Variants in ARFGEF2 observed in about 807,000 individuals in gnomAD.
ARFGEF2 encodes the protein brefeldin A-inhibited guanine nucleotide-exchange protein 2.
A neutral mutation model predicts 219.9 loss-of-function variants in ARFGEF2; 74 were observed. The observed-to-expected ratio is 0.34, with a 90% CI of 0.28 to 0.41. The LOEUF is 0.41. Among genes scored for constraint, ARFGEF2 ranks in the 10% least tolerant of loss-of-function variants. The pLI, the probability that ARFGEF2 is intolerant of heterozygous loss-of-function variation, is 1.00. For synonymous variants in ARFGEF2, 733 were observed against 799.2 expected (o/e 0.92, Z 1.40); for missense variants, 1,743 against 2,218.3 (o/e 0.79, Z 4.30).
intron 1 of ARFGEF2, among the ~76,000 whole-genome samples, chr20:48,923,737 T>A (rs1318515895): frequency 1.3e-5 from 2 of 152,252 alleles, no homozygotes; most frequent in African/African-American, 4.8e-5. Context: ...GAAGAGTTTT[T>A]ATTTTTTCTT....
At position 48,975,958 on chromosome 20, in the gene ARFGEF2, C is replaced by T. The variant is rs530469122; in HGVS notation, c.1775-58C>T. ...GGGAGCCGTGCAGCCAGACCTAGCT[C>T]GGCTGTGTCTGTGTCCCACTTGCTT... On this transcript the variant is annotated intron_variant, in intron 13 of 38. Coordinates refer to ENST00000371917, the MANE Select transcript of ARFGEF2 (RefSeq NM_006420.3). 2.6e-4 allele frequency: 417 copies of T among 1,574,086 alleles called. 1 individual carries two copies. Among genetic ancestry groups the T allele is most frequent in the Non-Finnish European group, 3.4e-4 (389 of 1,146,568 alleles).
chr20:49,022,079 C>T (rs1426280683), intron 34 of ARFGEF2, among the ~76,000 whole-genome samples: 7 of 139,878 alleles, frequency 5.0e-5, no homozygotes, highest in East Asian at 2.2e-4. Context: ...CACTTGAACC[C>T]GGGAGGCAGA....
intron 13 of ARFGEF2, 97 bp from the exon 14 acceptor site, chr20:48,975,919 A>G (rs1253472081): frequency 9.2e-7 from 1 of 1,087,066 alleles, no homozygotes; most frequent in African/African-American, 1.5e-5. Flanking sequence ...TGTTGCTATT[A>G]CAGGTTTGGG....
At chr20:48,956,693 C>T (rs2091107685) in intron 6 of ARFGEF2, among the ~76,000 whole-genome samples, 2 of 152,296 alleles carry the variant, frequency 1.3e-5, no homozygotes, top group African/African-American at 4.8e-5. Flanking sequence ...GATTCCCCTG[C>T]CTCAGCCTCC....
At chr20:48,999,234 T>C (rs1265751569) in intron 25 of ARFGEF2, 1 of 451,984 alleles carries the variant, frequency 2.2e-6, no homozygotes. Context: ...CAAGACTTCG[T>C]CTCAGAAAAA....
chr20:48,980,757 G>C (rs939336551), intron 14 of ARFGEF2, among the ~76,000 whole-genome samples: 3 of 151,958 alleles, frequency 2.0e-5, no homozygotes, highest in Non-Finnish European at 1.5e-5. Context: ...TGTCTCTTTC[G>C]ATCTTTGTTG....
intron 34 of ARFGEF2, among the ~76,000 whole-genome samples, chr20:49,019,344 G>T (rs1441294807): frequency 2.6e-5 from 4 of 152,158 alleles, no homozygotes; most frequent in African/African-American, 9.6e-5. Context: ...ACCAGTTATG[G>T]AATAGTATGC....
rs144322567 is a variant in ARFGEF2 at position 48,994,533 on chromosome 20, G to A, written c.3056G>A (p.Arg1019His). ...VKTRYLSGSG[R>H]EREGSLKGHT... is the part of the protein sequence containing the mutation. ...ACGCGCTACCTGTCTGGATCTGGGC[G>A]TGAAAGAGAAGGGAGCCTGAAGGGC... is the stretch of plus-strand genomic sequence containing the variant. The change falls in exon 22 of 39, where the codon CGT becomes CAT. Residue 1019 changes from arginine to histidine, a missense_variant. Physicochemically the swap from Arg to His is conservative, Grantham distance 29 (BLOSUM62 0). Around this residue, in one of 5 missense-constraint regions of ARFGEF2, gnomAD observed 666 missense variants for 955.4 expected, o/e 0.70. Coordinates refer to ENST00000371917, the MANE Select transcript of ARFGEF2 (RefSeq NM_006420.3). 2.4e-5 allele frequency: 38 copies of A among 1,614,022 alleles called. No homozygotes were observed. Among genetic ancestry groups the A allele is most frequent in the African/African-American group, 1.1e-4 (8 of 74,926 alleles).
In ARFGEF2 at chr20:48,990,723, T is replaced by C. The variant is rs1212881219; in HGVS notation, c.2815-317T>C. Among the ~76,000 whole-genome samples the C allele has an allele frequency of 1.2e-4, 19 of 152,348 alleles. No individual in the cohort carries two copies. In the South Asian group the frequency reaches 1.7e-3, roughly 13 times the overall value. On this transcript the variant is annotated intron_variant, in intron 20 of 38. Transcript: ENST00000371917. ...GAGAAAACAGACCTGCCTGGCAGAA[T>C]TGTTGCAGATGTCAATTTGTGTGAC...
At chr20:48,962,206 TAAC>T (rs1460373311) in intron 6 of ARFGEF2, among the ~76,000 whole-genome samples, 7 of 152,022 alleles carry the variant, frequency 4.6e-5, no homozygotes, top group Non-Finnish European at 8.8e-5. Flanking sequence ...AATAAATAAA[TAAC>T]AAACTAATAA....
chr20:48,932,430 A>C (rs1210955934), intron 1 of ARFGEF2, among the ~76,000 whole-genome samples: 2 of 152,144 alleles, frequency 1.3e-5, no homozygotes, highest in East Asian at 3.8e-4. Context: ...GCAGCATTTC[A>C]GGTTTCATTC....
intron 3 of ARFGEF2, among the ~76,000 whole-genome samples, chr20:48,946,106 C>T (rs533276096): frequency 5.3e-5 from 8 of 152,144 alleles, no homozygotes; most frequent in Admixed American, 1.3e-4. Flanking sequence ...GCAAGGTAAC[C>T]TCTGTCTTAG....
chr20:48,926,393 T>A (rs935684117), intron 1 of ARFGEF2, among the ~76,000 whole-genome samples: 4 of 152,282 alleles, frequency 2.6e-5, no homozygotes, highest in African/African-American at 7.2e-5. Context: ...TAGGGGCTAA[T>A]GGAAAGAAGG....
At chr20:48,961,991 C>T (rs2091155883) in intron 6 of ARFGEF2, among the ~76,000 whole-genome samples, 1 of 151,810 alleles carries the variant, frequency 6.6e-6, no homozygotes, top group South Asian at 2.1e-4. Context: ...CTAGCCTGAC[C>T]AACATGGAGA....
At position 48,929,549 on chromosome 20, in the gene ARFGEF2, G is replaced by A. The variant is rs569371055; in HGVS notation, c.121+7539G>A. 7.4e-4 allele frequency among the ~76,000 whole-genome samples: 104 copies of A among 140,870 alleles called. 1 individual carries two copies. The highest frequency in any genetic ancestry group is 2.4e-3 in the African/African-American group (96 of 40,790). The allele number at this position is 140,870 out of a possible 152,430, so 92.4% of individuals were successfully genotyped here. A position where few individuals can be genotyped will look rare whatever the true frequency, so the allele number is the denominator to read the frequency against. On this transcript the variant is annotated intron_variant, in intron 1 of 38. Coordinates refer to ENST00000371917, the MANE Select transcript of ARFGEF2 (RefSeq NM_006420.3). ...CATTGTTCAGAGGATATGCCCTCTAGGTCATAATAACAACCCGAGAAGTAC... is the reference window on the plus strand; with the variant it reads ...CATTGTTCAGAGGATATGCCCTCTAAGTCATAATAACAACCCGAGAAGTAC...
chr20:49,019,749 A>G (rs1279783672), intron 34 of ARFGEF2, among the ~76,000 whole-genome samples: 1 of 152,178 alleles, frequency 6.6e-6, no homozygotes, highest in African/African-American at 2.4e-5. Flanking sequence ...CAAATTGAAT[A>G]GTTTTTCGTA....
chr20:48,988,216 G>C, intron 16 of ARFGEF2, 88 bp from the exon 17 acceptor site: 1 of 958,500 alleles, frequency 1.0e-6, no homozygotes, highest in Non-Finnish European at 1.7e-6. Context: ...GTAGTCGGCT[G>C]CTTTTCTCGT....
chr20:48,968,904 T>A (rs1210662202), intron 8 of ARFGEF2, among the ~76,000 whole-genome samples: 1 of 152,194 alleles, frequency 6.6e-6, no homozygotes, highest in Non-Finnish European at 1.5e-5. Flanking sequence ...AGAATTTGAA[T>A]TTCCAAGAGA....
At chr20:48,989,055 A>T (rs1161560494) in intron 18 of ARFGEF2, among the ~76,000 whole-genome samples, 1 of 152,112 alleles carries the variant, frequency 6.6e-6, no homozygotes, top group East Asian at 1.9e-4. Context: ...ACTGCCTTAG[A>T]TCAAGTCCCA....
Sources: allele counts gnomAD v4.1 joint callset (sites outside exome capture counted in the v4.1 genomes callset), GRCh38; gene constraint gnomAD v4.1.1; regional missense constraint gnomAD v4.1.1; transcripts MANE v1.5; gene names NCBI Gene and HGNC (gene_info 2026-07-23, HGNC 2026-07-21).